CEP128: variants seen among roughly 807,000 people sequenced by gnomAD.
CEP128 encodes centrosomal protein 128kDa.
CEP128 carries 132 observed loss-of-function variants against 156.7 expected under a neutral mutation model. That is an observed-to-expected ratio of 0.84 (90% CI 0.73 to 0.97). The LOEUF (loss-of-function observed/expected upper bound fraction) is 0.97, where lower values mean the gene tolerates loss of function less well. Among genes scored for constraint, CEP128 ranks in the 50% least tolerant of loss-of-function variants. The pLI, the probability that CEP128 is intolerant of heterozygous loss-of-function variation, is 0.00. For missense variants in CEP128, 1,252 were observed against 1,281.9 expected (o/e 0.98, Z 0.36); for synonymous variants, 469 against 448.9 (o/e 1.04, Z -0.57).
intron 21 of CEP128, among the ~76,000 whole-genome samples, chr14:80,556,318 G>T (rs1890435308): frequency 6.6e-6 from 1 of 152,090 alleles, no homozygotes; most frequent in Non-Finnish European, 1.5e-5. Flanking sequence ...ACAACTACTG[G>T]ACTAATGCTA....
intron 19 of CEP128, among the ~76,000 whole-genome samples, chr14:80,714,942 G>C (rs970282439): frequency 1.3e-5 from 2 of 152,118 alleles, no homozygotes; most frequent in African/African-American, 4.8e-5. Context: ...TTTTATAAAA[G>C]TAATTATAGG....
chr14:80,551,477 C>T, intron 21 of CEP128, among the ~76,000 whole-genome samples: 1 of 152,216 alleles, frequency 6.6e-6, no homozygotes, highest in South Asian at 2.1e-4. Flanking sequence ...AGACAAATCA[C>T]ACTTGCTTTA....
intron 19 of CEP128, among the ~76,000 whole-genome samples, chr14:80,620,028 G>A (rs1288880495): frequency 6.6e-6 from 1 of 151,932 alleles, no homozygotes; most frequent in African/African-American, 2.4e-5. Flanking sequence ...GGGAGGGTGA[G>A]GAAGAAAAAT....
chr14:80,674,559 ATTTC>A (rs1167157478), intron 19 of CEP128, among the ~76,000 whole-genome samples: 1 of 152,106 alleles, frequency 6.6e-6, no homozygotes, highest in African/African-American at 2.4e-5. Context: ...TTATAAGAAC[ATTTC>A]TTTATTAAGT....
At chr14:80,650,909 G>T (rs1894874226) in intron 19 of CEP128, among the ~76,000 whole-genome samples, 1 of 152,042 alleles carries the variant, frequency 6.6e-6, no homozygotes, top group African/African-American at 2.4e-5. Context: ...CCAGGTTTTG[G>T]TATCAGGATG....
intron 19 of CEP128, among the ~76,000 whole-genome samples, chr14:80,690,294 T>C (rs1371546039): frequency 6.7e-6 from 1 of 149,090 alleles, no homozygotes; most frequent in African/African-American, 2.5e-5. Flanking sequence ...CACATGCCTG[T>C]AATCTCAGCT....
intron 13 of CEP128, among the ~76,000 whole-genome samples, chr14:80,820,178 AT>A (rs374538786): frequency 4.2e-4 from 64 of 152,340 alleles, no homozygotes; most frequent in African/African-American, 1.4e-3. Flanking sequence ...AACAATAATT[AT>A]TTTGAAGTTG....
chr14:80,729,625 T>C (rs149451160), intron 19 of CEP128, among the ~76,000 whole-genome samples: 15 of 152,290 alleles, frequency 9.8e-5, no homozygotes, highest in African/African-American at 3.6e-4. Context: ...TTTATTGTGG[T>C]TGTACTAGTT....
At chr14:80,905,048 C>G in intron 5 of CEP128, 117 bp from the exon 6 acceptor site, 1 of 637,042 alleles carries the variant, frequency 1.6e-6, no homozygotes, top group African/African-American at 1.8e-5. Context: ...TGTCCCTAAC[C>G]CAGACTATTT....
intron 16 of CEP128, among the ~76,000 whole-genome samples, chr14:80,772,830 C>T (rs552476474): frequency 6.6e-6 from 1 of 152,220 alleles, no homozygotes; most frequent in Non-Finnish European, 1.5e-5. Context: ...CCTCTCATTA[C>T]CAGCTTTGTC....
At chr14:80,773,458 T>C (rs1216931464) in intron 16 of CEP128, among the ~76,000 whole-genome samples, 2 of 152,148 alleles carry the variant, frequency 1.3e-5, no homozygotes, top group Admixed American at 6.5e-5. Flanking sequence ...ATTTTCAGTG[T>C]CAGCTATTTT....
At chr14:80,781,285 C>T (rs999609932) in intron 15 of CEP128, among the ~76,000 whole-genome samples, 1 of 151,878 alleles carries the variant, frequency 6.6e-6, no homozygotes, top group African/African-American at 2.4e-5. Flanking sequence ...TGTGAAACCC[C>T]ATCTCTACTA....
intron 19 of CEP128, among the ~76,000 whole-genome samples, chr14:80,637,114 C>T (rs1220362129): frequency 1.3e-5 from 2 of 150,726 alleles, no homozygotes; most frequent in African/African-American, 4.9e-5. Flanking sequence ...AAAGAAAATA[C>T]AAATCTGTCC....
chr14:80,866,362 A>T (rs1005190648), intron 8 of CEP128, among the ~76,000 whole-genome samples: 1 of 152,184 alleles, frequency 6.6e-6, no homozygotes, highest in Non-Finnish European at 1.5e-5. Context: ...CCACACCAGT[A>T]GACCCTCGTG....
rs183627505 is a variant in CEP128 at position 80,957,545 on chromosome 14, A to C, written c.-172+633T>G. ...GAATGTCCACTCTATGTTGGGGAGAAAGAAATCCAAAGACATCACTTCTTC... is the reference window on the plus strand; with the variant it reads ...GAATGTCCACTCTATGTTGGGGAGACAGAAATCCAAAGACATCACTTCTTC... On this transcript the variant is annotated intron_variant, in intron 2 of 7. Coordinates refer to the CEP128 transcript ENST00000555529. Among the ~76,000 whole-genome samples the C allele has an allele frequency of 3.0e-3, 458 of 152,352 alleles. 1 individual carries two copies. The highest frequency in any genetic ancestry group is 3.9e-3 in the Non-Finnish European group (266 of 68,028).
intron 4 of CEP128, among the ~76,000 whole-genome samples, chr14:80,907,321 A>T (rs923853741): frequency 2.0e-5 from 3 of 152,000 alleles, no homozygotes; most frequent in Non-Finnish European, 2.9e-5. Flanking sequence ...CCTTACCTAA[A>T]CTGGGATATG....
chr14:80,896,258 G>C (rs534662634), intron 7 of CEP128, among the ~76,000 whole-genome samples: 4 of 152,018 alleles, frequency 2.6e-5, no homozygotes, highest in Middle Eastern at 3.2e-3. Flanking sequence ...CTCACTAACC[G>C]ACCTCCCATT....
In CEP128 at chr14:80,647,120, C is replaced by CAT. The variant is rs796068620; in HGVS notation, c.2807-66698_2807-66697insAT. On this transcript the variant is annotated intron_variant, in intron 19 of 24. Coordinates refer to ENST00000555265, the MANE Select transcript of CEP128 (RefSeq NM_152446.5). Reference sequence around the variant, plus strand: ...ATAAATACACATACACACACACACACACACATACACACACACACACACACA... The same window carrying CAT: ...ATAAATACACATACACACACACACACATACACATACACACACACACACACACA... 1.1e-3 allele frequency among the ~76,000 whole-genome samples: 115 copies of CAT among 108,438 alleles called. 8 individuals are homozygous for CAT. Among genetic ancestry groups the CAT allele is most frequent in the African/African-American group, 1.7e-3 (58 of 33,846 alleles). The allele number at this position is 108,438 out of a possible 152,430, so 71.1% of individuals were successfully genotyped here.
In CEP128 at chr14:80,863,761, T is replaced by C. The variant is rs189276458; in HGVS notation, c.646-888A>G. On this transcript the variant is annotated intron_variant, in intron 8 of 24. Transcript: ENST00000555265. ...AGAAAAGTCCTGACAAGGAACCTTA[T>C]TGGGGTCGTGTAAATGTTCTAAAGT... Among the ~76,000 whole-genome samples the C allele has an allele frequency of 3.9e-4, 59 of 152,300 alleles. No individual in the cohort carries two copies. The East Asian group carries it at 9.1e-3, about 23-fold the overall frequency.
Sources: allele counts gnomAD v4.1 joint callset (sites outside exome capture counted in the v4.1 genomes callset), GRCh38; gene constraint gnomAD v4.1.1; transcripts MANE v1.5; gene names NCBI Gene and HGNC (gene_info 2026-07-23, HGNC 2026-07-21).